The following GRIK5 variants were observed in gnomAD, a reference collection of about 807,000 sequenced individuals.
GRIK5 encodes the protein glutamate ionotropic receptor kainate type subunit 5.
In GRIK5, 43 loss-of-function variants were observed where a neutral mutation model predicts 97.4. The ratio of observed to expected loss-of-function variants is 0.44; its 90% confidence interval spans 0.35 to 0.57. GRIK5 has a LOEUF of 0.57. GRIK5 is among the 20% of genes least tolerant of loss of function. GRIK5 has a pLI of 0.01. For missense variants in GRIK5, 1,015 were observed against 1,382.0 expected (o/e 0.73, Z 4.21); for synonymous variants, 580 against 583.5 (o/e 0.99, Z 0.09).
chr19:41,999,370 C>G lies in GRIK5; in HGVS notation c.2515-71G>C. 1 of 1,142,446 alleles carries G rather than the reference C, an allele frequency of 8.8e-7. No individual in the cohort carries two copies. Among genetic ancestry groups the G allele is most frequent in the Non-Finnish European group, 1.2e-6 (1 of 830,484 alleles). 70.8% of individuals were successfully genotyped at this position (1,142,446 alleles called of 1,614,324 possible). A position where few individuals can be genotyped will look rare whatever the true frequency, so the allele number is the denominator to read the frequency against. Reference sequence around the variant, plus strand: ...CGCCTCCCCCAGCCCCTCTCCACATCCCACTCCTCCTCCTCCTTTCCTCGC... The same window carrying G: ...CGCCTCCCCCAGCCCCTCTCCACATGCCACTCCTCCTCCTCCTTTCCTCGC... On this transcript the variant is annotated intron_variant, in intron 19 of 19. Transcript: ENST00000593562. The surrounding 1 kb of genome is among the most constrained non-coding windows in gnomAD (Gnocchi z 5.0).
At chr19:42,000,496 T>C (rs782596731) in intron 19 of GRIK5, among the ~76,000 whole-genome samples, 2 of 152,112 alleles carry the variant, frequency 1.3e-5, no homozygotes, top group Non-Finnish European at 2.9e-5. Flanking sequence ...AAGGACCAAA[T>C]TGCCTCACAG....
chr19:42,019,890 A>G (rs1486951424), intron 15 of GRIK5, among the ~76,000 whole-genome samples: 1 of 152,176 alleles, frequency 6.6e-6, no homozygotes, highest in Non-Finnish European at 1.5e-5. Context: ...CTCCAGAACT[A>G]TAGGATAATG....
rs782235601 is a variant in GRIK5, at chr19:42,006,914, T to C, written c.1872-104A>G. The stretch of plus-strand genomic sequence containing the variant: ...GTGCCCCTCCCAAGTGACCCCAGCA[T>C]CTGGAAGACTCAGTGACTGCTGGGT... On this transcript the variant is annotated intron_variant, in intron 15 of 19. Coordinates refer to ENST00000593562, the MANE Select transcript of GRIK5 (RefSeq NM_002088.5). This position sits in a 1 kb window ranked among gnomAD's most constrained non-coding sequence, Gnocchi z 5.3. The C allele has an allele frequency of 1.3e-6, 1 of 764,408 alleles. No individual in the cohort carries two copies. The highest frequency in any genetic ancestry group is 1.9e-5 in the South Asian group (1 of 53,714). 47.4% of individuals were successfully genotyped at this position (764,408 alleles called of 1,614,324 possible). A position where few individuals can be genotyped will look rare whatever the true frequency, so the allele number is the denominator to read the frequency against.
Position 42,002,210 on chromosome 19 carries a change from A to C in GRIK5, c.2514+1122T>G. The stretch of plus-strand genomic sequence containing the variant: ...GGGGGGCAAGAGGAAATGGGAGGAA[A>C]GAAGAAACTGGAAGCATCAGGGAGA... On this transcript the variant is annotated intron_variant, in intron 19 of 19. Coordinates refer to ENST00000593562, the MANE Select transcript of GRIK5 (RefSeq NM_002088.5). The surrounding 1 kb of genome is among the most constrained non-coding windows in gnomAD (Gnocchi z 5.2). 1.4e-6 allele frequency: 1 copy of C among 717,586 alleles called. No individual in the cohort carries two copies. Among genetic ancestry groups the C allele is most frequent in the Non-Finnish European group, 2.6e-6 (1 of 385,118 alleles). 44.5% of individuals were successfully genotyped at this position (717,586 alleles called of 1,614,324 possible).
intron 12 of GRIK5, among the ~76,000 whole-genome samples, chr19:42,023,625 G>T (rs2146055716): frequency 6.6e-6 from 1 of 152,300 alleles, no homozygotes; most frequent in South Asian, 2.1e-4. Flanking sequence ...CCCATCCTTT[G>T]TTCCCACACT....
intron 12 of GRIK5, among the ~76,000 whole-genome samples, chr19:42,034,456 C>T (rs890696269): frequency 6.6e-6 from 1 of 152,158 alleles, no homozygotes; most frequent in Non-Finnish European, 1.5e-5. Context: ...GCCCTGCTCT[C>T]GGATCTCTCT....
intron 11 of GRIK5, among the ~76,000 whole-genome samples, chr19:42,047,143 C>T (rs2076052846): frequency 6.6e-6 from 1 of 152,068 alleles, no homozygotes; most frequent in African/African-American, 2.4e-5. Context: ...CCACCCCGGC[C>T]TCCCAAACTG....
At chr19:42,054,074 T>A in intron 9 of GRIK5, 145 bp from the exon 10 acceptor site, 1 of 661,186 alleles carries the variant, frequency 1.5e-6, no homozygotes. Context: ...AAGATCACAG[T>A]CAAAAGAGCA....
In GRIK5 at chr19:42,069,751, CT is replaced by C. The variant is rs2076398181; in HGVS notation, c.-562del. Among the ~76,000 whole-genome samples the C allele has an allele frequency of 6.6e-6, 1 of 151,328 alleles. No individual in the cohort carries two copies. The highest frequency in any genetic ancestry group is 1.5e-5 in the Non-Finnish European group (1 of 67,706). On this transcript the variant is annotated 5_prime_UTR_variant, in exon 1 of 20. Transcript: ENST00000593562. ...GCCTGCTGGGGGAGGGGGCCGCCCCCTTTCCCCCTCCCCCCTGGAGCCTGGG... is the reference window on the plus strand; with the variant it reads ...GCCTGCTGGGGGAGGGGGCCGCCCCCTTCCCCCTCCCCCCTGGAGCCTGGG...
At position 42,003,877 on chromosome 19, in the gene GRIK5, C is replaced by T; in HGVS notation, c.2264-194G>A. 1.7e-6 allele frequency: 1 copy of T among 577,394 alleles called. No individual in the cohort carries two copies. The highest frequency in any genetic ancestry group is 2.6e-5 in the South Asian group (1 of 38,832). The allele number at this position is 577,394 out of a possible 1,614,324, so 35.8% of individuals were successfully genotyped here. A position where few individuals can be genotyped will look rare whatever the true frequency, so the allele number is the denominator to read the frequency against. On this transcript the variant is annotated intron_variant, in intron 17 of 19. Transcript: ENST00000593562. This position sits in a 1 kb window ranked among gnomAD's most constrained non-coding sequence, Gnocchi z 4.2. ...CCAGAGAGACAGTGTTAGGAAGAGT[C>T]AGAGGCCATACCTTTCCTGTGCTCA...
chr19:42,025,946 C>T (rs1457441389), intron 12 of GRIK5, among the ~76,000 whole-genome samples: 1 of 152,314 alleles, frequency 6.6e-6, no homozygotes, highest in Non-Finnish European at 1.5e-5. Context: ...CCCATCTCTA[C>T]TAAAACTAAA....
At chr19:42,066,291 G>T (rs1011466975) in intron 1 of GRIK5, among the ~76,000 whole-genome samples, 30 of 152,132 alleles carry the variant, frequency 2.0e-4, no homozygotes, top group African/African-American at 7.2e-4. Flanking sequence ...GGCCTCACTT[G>T]CCACTTTCCT....
At chr19:42,048,260 A>G (rs2146123701) in intron 11 of GRIK5, among the ~76,000 whole-genome samples, 1 of 152,338 alleles carries the variant, frequency 6.6e-6, no homozygotes, top group East Asian at 1.9e-4. Flanking sequence ...AAGGTAAGCC[A>G]CAAAGGGGGA....
chr19:42,052,715 C>T (rs1436431203), intron 11 of GRIK5, among the ~76,000 whole-genome samples: 1 of 152,070 alleles, frequency 6.6e-6, no homozygotes, highest in Non-Finnish European at 1.5e-5. Flanking sequence ...CCTGGCATGT[C>T]CAGCCTCCAG....
chr19:42,047,748 T>C (rs1250542696), intron 11 of GRIK5, among the ~76,000 whole-genome samples: 2 of 151,984 alleles, frequency 1.3e-5, no homozygotes, highest in African/African-American at 4.8e-5. Context: ...GGCAGGTGGA[T>C]TACTTGAGGT....
chr19:42,057,717 G>A (rs2076206035), intron 6 of GRIK5, among the ~76,000 whole-genome samples: 2 of 152,128 alleles, frequency 1.3e-5, no homozygotes, highest in Admixed American at 1.3e-4. Context: ...CCAAGGTTGG[G>A]CTGCAAATGT....
chr19:42,007,023 A>G (rs2075500240), intron 15 of GRIK5, among the ~76,000 whole-genome samples: 1 of 152,232 alleles, frequency 6.6e-6, no homozygotes, highest in Admixed American at 6.5e-5. Context: ...CAGATATAAA[A>G]GAGTAAGATG....
rs2075702515 is a variant in GRIK5, at chr19:42,021,872, A to G, written c.1697+75T>C. The G allele has an allele frequency of 3.3e-6, 3 of 895,556 alleles. No individual in the cohort carries two copies. In the Admixed American group the frequency reaches 6.5e-5, roughly 19 times the overall value. The allele number at this position is 895,556 out of a possible 1,614,324, so 55.5% of individuals were successfully genotyped here. On this transcript the variant is annotated intron_variant, in intron 14 of 19. Coordinates refer to ENST00000593562, the MANE Select transcript of GRIK5 (RefSeq NM_002088.5). The surrounding 1 kb of genome is among the most constrained non-coding windows in gnomAD (Gnocchi z 4.2). Reference sequence around the variant, plus strand: ...AGGCCAAGGACAGTTCCGAGAGAGAAGAGGCAGGTCGGTCCCAGAGGCCTC... The same window carrying G: ...AGGCCAAGGACAGTTCCGAGAGAGAGGAGGCAGGTCGGTCCCAGAGGCCTC...
At chr19:42,051,537 C>T (rs889753551) in intron 11 of GRIK5, among the ~76,000 whole-genome samples, 5 of 152,218 alleles carry the variant, frequency 3.3e-5, no homozygotes, top group African/African-American at 9.6e-5. Flanking sequence ...CCTGCTGCCC[C>T]GCAGCCCCTA....
Sources: allele counts gnomAD v4.1 joint callset (sites outside exome capture counted in the v4.1 genomes callset), GRCh38; gene constraint gnomAD v4.1.1; non-coding constraint Gnocchi (gnomAD v3.1); transcripts MANE v1.5; gene names NCBI Gene and HGNC (gene_info 2026-07-23, HGNC 2026-07-21).